Variants in GRID1 observed in about 807,000 individuals in gnomAD.
GRID1 encodes the protein glutamate ionotropic receptor delta type subunit 1.
Under a neutral mutation model 98.0 loss-of-function variants are expected in GRID1, and 28 were observed. The observed-to-expected ratio is 0.29, with a 90% CI of 0.21 to 0.39. GRID1 has a LOEUF of 0.39. Among genes scored for constraint, GRID1 ranks in the 10% least tolerant of loss-of-function variants. GRID1 has a pLI of 1.00. For synonymous variants in GRID1, 553 were observed against 538.5 expected (o/e 1.03, Z -0.37); for missense variants, 1,111 against 1,340.5 (o/e 0.83, Z 2.67).
At chr10:85,909,946 T>C (rs959563579) in intron 5 of GRID1, among the ~76,000 whole-genome samples, 1 of 152,140 alleles carries the variant, frequency 6.6e-6, no homozygotes, top group Non-Finnish European at 1.5e-5. Context: ...TTTTCAGTAA[T>C]AATAATTAAA....
In GRID1 at chr10:85,963,618, G is replaced by A. The variant is rs963277828; in HGVS notation, c.727-47379C>T. Among the ~76,000 whole-genome samples, 24 of 152,094 alleles carry A rather than the reference G, an allele frequency of 1.6e-4. 1 individual carries two copies. Among genetic ancestry groups the A allele is most frequent in the African/African-American group, 5.1e-4 (21 of 41,402 alleles). On this transcript the variant is annotated intron_variant, in intron 4 of 15. Coordinates refer to ENST00000327946, the MANE Select transcript of GRID1 (RefSeq NM_017551.3). The stretch of plus-strand genomic sequence containing the variant: ...TTCCAAAGCAGCTTCCCAAATCCGT[G>A]GGGTTATTTCATGTCCATATGTATA...
chr10:85,922,683 A>T (rs1841721786), intron 4 of GRID1, among the ~76,000 whole-genome samples: 1 of 152,182 alleles, frequency 6.6e-6, no homozygotes, highest in East Asian at 1.9e-4. Flanking sequence ...TCACCCCTCC[A>T]AAGCATGCAG....
chr10:86,212,841 T>G (rs994943044), intron 2 of GRID1, among the ~76,000 whole-genome samples: 1 of 152,244 alleles, frequency 6.6e-6, no homozygotes, highest in South Asian at 2.1e-4. Context: ...TATTGATCTA[T>G]GGAGAATAAA....
At chr10:85,740,185 G>A (rs74447785) in intron 8 of GRID1, among the ~76,000 whole-genome samples, 2 of 152,238 alleles carry the variant, frequency 1.3e-5, no homozygotes, top group East Asian at 3.9e-4. Context: ...GGACAAGCCA[G>A]GCTGGAATTC....
Position 85,629,129 on chromosome 10 carries a change from T to C in GRID1, c.2194-9096A>G, listed in dbSNP as rs906518287. On this transcript the variant is annotated intron_variant, in intron 13 of 15. Coordinates refer to ENST00000327946, the MANE Select transcript of GRID1 (RefSeq NM_017551.3). ...GGTATTCCTGTGTCCTAGAGTAACA[T>C]AGTCAATAGTGAGGAGGACAGCAGT... Among the ~76,000 whole-genome samples the C allele has an allele frequency of 4.6e-5, 7 of 152,122 alleles. No homozygotes were observed. The South Asian group carries it at 8.3e-4, about 18-fold the overall frequency.
At chr10:86,111,864 G>C (rs983931011) in intron 4 of GRID1, among the ~76,000 whole-genome samples, 1 of 152,186 alleles carries the variant, frequency 6.6e-6, no homozygotes. Context: ...TGTTTGCAAA[G>C]AAATAGAATC....
At chr10:86,293,643 T>C (rs1318870714) in intron 2 of GRID1, among the ~76,000 whole-genome samples, 2 of 152,230 alleles carry the variant, frequency 1.3e-5, no homozygotes, top group Non-Finnish European at 2.9e-5. Context: ...AGGCCCTGGA[T>C]TCAGGGCTGC....
At chr10:85,647,729 A>G in intron 12 of GRID1, 1 of 247,930 alleles carries the variant, frequency 4.0e-6, no homozygotes, top group Non-Finnish European at 8.0e-6. Flanking sequence ...TATAGAAGCA[A>G]ACATATAGAC....
At chr10:86,117,851 G>T (rs1844607361) in intron 4 of GRID1, among the ~76,000 whole-genome samples, 1 of 152,200 alleles carries the variant, frequency 6.6e-6, no homozygotes, top group Non-Finnish European at 1.5e-5. Context: ...TTACACTGTT[G>T]GTGAGAATGT....
chr10:85,748,393 G>A (rs1330497190), intron 8 of GRID1, among the ~76,000 whole-genome samples: 1 of 152,136 alleles, frequency 6.6e-6, no homozygotes, highest in Non-Finnish European at 1.5e-5. Flanking sequence ...TGAAAACCAG[G>A]AGCAGAAGTT....
chr10:85,984,054 A>G (rs758743633), intron 4 of GRID1, among the ~76,000 whole-genome samples: 11 of 151,752 alleles, frequency 7.2e-5, no homozygotes, highest in Non-Finnish European at 7.4e-5. Context: ...GGACTTCAGG[A>G]ATGTAATCTG....
chr10:85,719,321 G>A (rs980716996), intron 12 of GRID1, among the ~76,000 whole-genome samples: 23 of 152,038 alleles, frequency 1.5e-4, no homozygotes, highest in African/African-American at 5.3e-4. Context: ...TTCCAAAGTC[G>A]CTTCTACATT....
At chr10:86,066,660 T>C (rs1843724277) in intron 4 of GRID1, among the ~76,000 whole-genome samples, 1 of 152,218 alleles carries the variant, frequency 6.6e-6, no homozygotes, top group African/African-American at 2.4e-5. Flanking sequence ...TGTGATGTGA[T>C]ATAATGTGAT....
rs765894717 is a variant in GRID1 at position 85,916,671 on chromosome 10, T to C, written c.727-432A>G. Among the ~76,000 whole-genome samples, 7 of 152,198 alleles carry C rather than the reference T, an allele frequency of 4.6e-5. No individual in the cohort carries two copies. The highest frequency in any genetic ancestry group is 7.3e-5 in the Non-Finnish European group (5 of 68,032). ...GCTTGTCTAGTCCAGCTGTACTGAG[T>C]GACATTCAGGAAGACAGCAGCTCAC... On this transcript the variant is annotated intron_variant, in intron 4 of 15. Coordinates refer to ENST00000327946, the MANE Select transcript of GRID1 (RefSeq NM_017551.3). The surrounding 1 kb of genome is among the most constrained non-coding windows in gnomAD (Gnocchi z 4.0).
chr10:86,297,712 T>C (rs1292721572), intron 2 of GRID1, among the ~76,000 whole-genome samples: 1 of 152,166 alleles, frequency 6.6e-6, no homozygotes, highest in East Asian at 1.9e-4. Context: ...TCAGGCAGCG[T>C]TGATAACTAT....
rs138414844 is a variant in GRID1, at chr10:86,313,890, C to T, written c.235+50051G>A. 8.1e-3 allele frequency among the ~76,000 whole-genome samples: 1,232 copies of T among 152,314 alleles called. 5 individuals are homozygous for T. Among genetic ancestry groups the T allele is most frequent in the African/African-American group, 0.014 (573 of 41,572 alleles). On this transcript the variant is annotated intron_variant, in intron 2 of 15. Transcript: ENST00000327946. ...GTTTCTGCCAAACTCCATGCTATTACAACAAAACCCCTGTATTTCTTGCAA... is the reference window on the plus strand; with the variant it reads ...GTTTCTGCCAAACTCCATGCTATTATAACAAAACCCCTGTATTTCTTGCAA...
At chr10:86,030,533 T>C (rs1843172176) in intron 4 of GRID1, among the ~76,000 whole-genome samples, 1 of 152,202 alleles carries the variant, frequency 6.6e-6, no homozygotes, top group South Asian at 2.1e-4. Context: ...GAACCATGCA[T>C]GGGCATGCCT....
At chr10:85,881,844 A>G (rs533935809) in intron 5 of GRID1, among the ~76,000 whole-genome samples, 2 of 152,324 alleles carry the variant, frequency 1.3e-5, no homozygotes, top group African/African-American at 4.8e-5. Context: ...GGCAACCTAC[A>G]GAATGGGAGA....
At chr10:85,855,984 AG>A (rs776927960) in intron 7 of GRID1, 44 bp downstream of exon 7, 3 of 1,582,424 alleles carry the variant, frequency 1.9e-6, no homozygotes, top group Non-Finnish European at 2.6e-6. Context: ...AGGTATAAGA[AG>A]GGGCCTGTCT....
Sources: allele counts gnomAD v4.1 joint callset (sites outside exome capture counted in the v4.1 genomes callset), GRCh38; gene constraint gnomAD v4.1.1; non-coding constraint Gnocchi (gnomAD v3.1); transcripts MANE v1.5; gene names NCBI Gene and HGNC (gene_info 2026-07-23, HGNC 2026-07-21).